CSMD1: variants seen among roughly 807,000 people sequenced by gnomAD.
CSMD1 encodes the protein CUB and sushi domain-containing protein 1.
Under a neutral mutation model 417.5 loss-of-function variants are expected in CSMD1, and 213 were observed. That is an observed-to-expected ratio of 0.51 (90% CI 0.46 to 0.57). CSMD1 has a LOEUF of 0.57. Among genes scored for constraint, CSMD1 ranks in the 20% least tolerant of loss-of-function variants. The pLI is 0.00. For synonymous variants in CSMD1, 2,862 were observed against 1,736.8 expected, an observed-to-expected ratio of 1.65 and a Z score of -16.11; for missense variants, 6,923 against 4,529.7, an observed-to-expected ratio of 1.53 and a Z score of -15.17.
At chr8:3,681,865 A>T (rs922083666) in intron 7 of CSMD1, among the ~76,000 whole-genome samples, 10 of 152,316 alleles carry the variant, frequency 6.6e-5, no homozygotes, top group African/African-American at 2.2e-4. Context: ...GGAACAGAAC[A>T]GAGCCCTCAG....
At chr8:3,624,347 T>C (rs185424038) in intron 7 of CSMD1, among the ~76,000 whole-genome samples, 196 of 152,326 alleles carry the variant, frequency 1.3e-3, no homozygotes, top group African/African-American at 3.6e-3. Context: ...GAGCCACAGA[T>C]TGGCTTGAAT....
chr8:3,820,234 G>A (rs1306089250), intron 5 of CSMD1, among the ~76,000 whole-genome samples: 2 of 152,148 alleles, frequency 1.3e-5, no homozygotes, highest in Non-Finnish European at 2.9e-5. Flanking sequence ...CAGCCATATA[G>A]ACACACTTCC....
chr8:4,584,353 G>A (rs957250257), intron 2 of CSMD1, among the ~76,000 whole-genome samples: 3 of 152,070 alleles, frequency 2.0e-5, no homozygotes, highest in Admixed American at 6.6e-5. Context: ...TCGCCAAGCA[G>A]TGAGTAGCAT....
intron 6 of CSMD1, among the ~76,000 whole-genome samples, chr8:3,715,252 C>G (rs1483463241): frequency 6.6e-6 from 1 of 152,132 alleles, no homozygotes; most frequent in East Asian, 1.9e-4. Context: ...AGCCAATTTC[C>G]TATTCTCTGC....
chr8:3,381,909 T>C (rs974279370), intron 18 of CSMD1, among the ~76,000 whole-genome samples: 13 of 152,164 alleles, frequency 8.5e-5, no homozygotes, highest in Non-Finnish European at 1.8e-4. Context: ...ATCTATACAG[T>C]ATATGCATAT....
chr8:3,219,425 C>T lies in CSMD1; in HGVS notation c.4502G>A (p.Ser1501Asn), dbSNP rs1445347648. Residue 1501 changes from serine (S) to asparagine (N), a missense_variant, in exon 29 of 70, where the codon AGC becomes AAC. By Grantham distance (46) the Ser-to-Asn change is conservative (BLOSUM62 1). Coordinates refer to ENST00000635120, the MANE Select transcript of CSMD1 (RefSeq NM_033225.6). The part of the protein sequence containing the change: ...LIFKSFNMEP[S>N]YDFLHIYEGE... The stretch of plus-strand genomic sequence containing the variant: ...TTCATAGATGTGTAGGAAGTCATAG[C>T]TGGGCTCCATGTTGAAACTAAAGAA... 5 of 1,509,264 alleles carry T rather than the reference C, an allele frequency of 3.3e-6. No homozygotes were observed. The highest frequency in any genetic ancestry group is 2.5e-5 in the East Asian group (1 of 40,526). 93.5% of individuals were successfully genotyped at this position (1,509,264 alleles called of 1,614,324 possible).
chr8:3,634,820 C>T (rs550258113), intron 7 of CSMD1, among the ~76,000 whole-genome samples: 25 of 152,076 alleles, frequency 1.6e-4, no homozygotes, highest in Non-Finnish European at 2.5e-4. Flanking sequence ...CTTCCTTAGG[C>T]GATTCTTGAC....
At chr8:3,731,657 C>T (rs906570181) in intron 6 of CSMD1, among the ~76,000 whole-genome samples, 6 of 152,142 alleles carry the variant, frequency 3.9e-5, no homozygotes, top group South Asian at 2.1e-4. Flanking sequence ...GAATTATGCT[C>T]GGTACTGGGA....
chr8:3,838,967 TTA>T (rs1491518915), intron 5 of CSMD1, among the ~76,000 whole-genome samples: 2 of 99,940 alleles, frequency 2.0e-5, no homozygotes, highest in South Asian at 2.9e-4. Context: ...TAAATTAATA[TTA>T]TATATAATAT....
intron 3 of CSMD1, among the ~76,000 whole-genome samples, chr8:4,388,142 T>TA (rs1563121219): frequency 6.6e-6 from 1 of 152,144 alleles, no homozygotes; most frequent in East Asian, 1.9e-4. Flanking sequence ...TTTAAAAACT[T>TA]ACTTCTACCA....
intron 1 of CSMD1, among the ~76,000 whole-genome samples, chr8:4,911,440 G>T (rs1323213445): frequency 6.6e-6 from 1 of 152,064 alleles, no homozygotes; most frequent in Non-Finnish European, 1.5e-5. Flanking sequence ...ATTTTTCCAG[G>T]TCCCATGAAT....
At chr8:4,246,991 T>G (rs1252754892) in intron 3 of CSMD1, among the ~76,000 whole-genome samples, 1 of 152,182 alleles carries the variant, frequency 6.6e-6, no homozygotes, top group African/African-American at 2.4e-5. Context: ...TTTATTGTAT[T>G]ATTTATAAAA....
At chr8:3,273,046 C>T (rs990739390) in intron 26 of CSMD1, among the ~76,000 whole-genome samples, 44 of 152,110 alleles carry the variant, frequency 2.9e-4, no homozygotes, top group African/African-American at 7.7e-4. Flanking sequence ...TTTGCCCATT[C>T]GGTATGATAT....
chr8:3,737,018 G>A (rs987264928), intron 6 of CSMD1, among the ~76,000 whole-genome samples: 1 of 152,202 alleles, frequency 6.6e-6, no homozygotes, highest in Non-Finnish European at 1.5e-5. Context: ...GCACACGACT[G>A]TGGTTACATG....
At chr8:3,810,803 T>C (rs1056011128) in intron 5 of CSMD1, among the ~76,000 whole-genome samples, 2 of 152,178 alleles carry the variant, frequency 1.3e-5, no homozygotes, top group African/African-American at 4.8e-5. Context: ...ATCATCAGGC[T>C]GACCTCACTC....
Position 3,794,316 on chromosome 8 carries a change from G to A in CSMD1, c.819-40274C>T, listed in dbSNP as rs79932844. On this transcript the variant is annotated intron_variant, in intron 5 of 69. Coordinates refer to ENST00000635120, the MANE Select transcript of CSMD1 (RefSeq NM_033225.6). ...AGCGACTTCAAACTGAAAACTCTGC[G>A]CCTGGTGATTTTTAAGCTGAGTAAA... Among the ~76,000 whole-genome samples the A allele has an allele frequency of 0.011, 1,673 of 152,142 alleles. 72 individuals carry two copies. The East Asian group carries it at 0.13, about 12-fold the overall frequency.
intron 5 of CSMD1, among the ~76,000 whole-genome samples, chr8:3,934,311 T>C (rs145673596): frequency 4.3e-4 from 65 of 152,218 alleles, no homozygotes; most frequent in African/African-American, 1.4e-3. Context: ...TATGTATAAA[T>C]GAAAATTTCA....
At chr8:3,470,264 A>G (rs1817010343) in intron 11 of CSMD1, among the ~76,000 whole-genome samples, 1 of 152,178 alleles carries the variant, frequency 6.6e-6, no homozygotes, top group Admixed American at 6.5e-5. Context: ...TGTTTGTAGT[A>G]TTGTTTCATT....
At chr8:3,568,981 G>A (rs764397080) in intron 10 of CSMD1, among the ~76,000 whole-genome samples, 1 of 152,008 alleles carries the variant, frequency 6.6e-6, no homozygotes, top group Non-Finnish European at 1.5e-5. Flanking sequence ...ACTTTTTCAA[G>A]AATTCTGATT....
Sources: allele counts gnomAD v4.1 joint callset (sites outside exome capture counted in the v4.1 genomes callset), GRCh38; gene constraint gnomAD v4.1.1; transcripts MANE v1.5; gene names NCBI Gene and HGNC (gene_info 2026-07-23, HGNC 2026-07-21).